ARHGAP31: variants seen among roughly 807,000 people sequenced by gnomAD.
ARHGAP31 encodes the protein Rho GTPase activating protein 31.
A neutral mutation model predicts 113.9 loss-of-function variants in ARHGAP31; 34 were observed. That is an observed-to-expected ratio of 0.30 (90% CI 0.23 to 0.40). The LOEUF (loss-of-function observed/expected upper bound fraction) is 0.40. Ranked by LOEUF, ARHGAP31 falls within the 10% of genes least tolerant of loss-of-function variation. The pLI, the probability that ARHGAP31 is intolerant of heterozygous loss-of-function variation, is 1.00. For synonymous variants in ARHGAP31, 650 were observed against 684.8 expected, an observed-to-expected ratio of 0.95 and a Z score of 0.79; for missense variants, 1,548 against 1,767.1, an observed-to-expected ratio of 0.88 and a Z score of 2.22.
At chr3:119,361,332 A>G (rs974372682) in intron 1 of ARHGAP31, among the ~76,000 whole-genome samples, 4 of 150,128 alleles carry the variant, frequency 2.7e-5, no homozygotes, top group Non-Finnish European at 5.9e-5. Context: ...ACATTAAGGT[A>G]TGTGAGAAGC....
At chr3:119,350,247 T>G (rs1231292963) in intron 1 of ARHGAP31, among the ~76,000 whole-genome samples, 2 of 152,110 alleles carry the variant, frequency 1.3e-5, no homozygotes, top group Non-Finnish European at 2.9e-5. Context: ...GAGGCCTCAG[T>G]ACCAAGGCTT....
rs1160434245 is a variant in ARHGAP31 at position 119,402,329 on chromosome 3, C to G, written c.1577C>G (p.Ser526Cys). The change falls in exon 10 of 12, where the codon TCT becomes TGT. Residue 526 changes from serine (S) to cysteine (C), a missense_variant. Transcript: ENST00000264245. ...TCTCTTTCCAGCCTGGAAGAGTTTT[C>G]TTTTCATGGATCAGAGAGCGGAGGC... ...LQSLSSLEEF[S>C]FHGSESGGWP... The G allele has an allele frequency of 3.7e-6, 6 of 1,614,064 alleles. No homozygotes were observed. The South Asian group carries it at 5.5e-5, about 15-fold the overall frequency.
chr3:119,304,941 A>G (rs1301015835), intron 1 of ARHGAP31, among the ~76,000 whole-genome samples: 1 of 125,056 alleles, frequency 8.0e-6, no homozygotes, highest in Non-Finnish European at 1.7e-5. Context: ...AAATAAAATA[A>G]AACTTTTAAA....
At chr3:119,393,794 T>G (rs2080524927) in intron 8 of ARHGAP31, among the ~76,000 whole-genome samples, 1 of 152,212 alleles carries the variant, frequency 6.6e-6, no homozygotes, top group African/African-American at 2.4e-5. Context: ...CTGTATACCC[T>G]TCATGCAGCT....
At chr3:119,306,724 T>A (rs937665291) in intron 1 of ARHGAP31, among the ~76,000 whole-genome samples, 5 of 152,172 alleles carry the variant, frequency 3.3e-5, no homozygotes, top group Admixed American at 1.3e-4. Flanking sequence ...TTTACTTTTG[T>A]TGGTCTGGGG....
At position 119,413,874 on chromosome 3, in the gene ARHGAP31, A is replaced by AATGCCCTGATCTGGCCT. The variant is rs1212886422; in HGVS notation, c.1946_1962dup (p.Glu655MetfsTer3). ...TTTTCAGGATGAAGATGATCTGGCC[A>AATGCCCTGATCTGGCCT]ATGCCCTGATCTGGCCTGAGATTCA... On this transcript the variant is annotated frameshift_variant, in exon 12 of 12. Coordinates refer to ENST00000264245, the MANE Select transcript of ARHGAP31 (RefSeq NM_020754.4). LOFTEE classifies it low-confidence loss of function (END_TRUNC). 1 of 1,614,222 alleles carries AATGCCCTGATCTGGCCT rather than the reference A, an allele frequency of 6.2e-7. No individual in the cohort carries two copies. The highest frequency in any genetic ancestry group is 1.7e-5 in the Admixed American group (1 of 60,026).
chr3:119,314,153 C>T (rs1232571489), intron 1 of ARHGAP31: 1 of 152,322 alleles, frequency 6.6e-6, no homozygotes, highest in Non-Finnish European at 1.5e-5. Flanking sequence ...GCCGCTCTTG[C>T]CTCCAAGTTT....
chr3:119,382,478 CAA>C, intron 5 of ARHGAP31, 79 bp downstream of exon 5: 1 of 1,363,914 alleles, frequency 7.3e-7, no homozygotes, highest in Non-Finnish European at 1.0e-6. Context: ...TTGGATTCTT[CAA>C]ATTGAAGCCC....
At position 119,296,860 on chromosome 3, in the gene ARHGAP31, G is replaced by A. The variant is rs151329993; in HGVS notation, c.100+1856G>A. ...CAGAGGGGTAAATTGGCCTGCCTGA[G>A]GTTGTACAGCTAATCATGAAGGATC... On this transcript the variant is annotated intron_variant, in intron 1 of 11. Coordinates refer to ENST00000264245, the MANE Select transcript of ARHGAP31 (RefSeq NM_020754.4). Among the ~76,000 whole-genome samples, 516 of 152,328 alleles carry A rather than the reference G, an allele frequency of 3.4e-3. 4 individuals are homozygous for A. Among genetic ancestry groups the A allele is most frequent in the African/African-American group, 0.012 (493 of 41,578 alleles).
intron 1 of ARHGAP31, among the ~76,000 whole-genome samples, chr3:119,355,184 G>A (rs1041579425): frequency 2.0e-5 from 3 of 152,170 alleles, no homozygotes; most frequent in Admixed American, 6.5e-5. Context: ...CCCAACTCTG[G>A]CACTTCCTAG....
Position 119,401,843 on chromosome 3 carries a change from T to G in ARHGAP31, c.1091T>G (p.Phe364Cys). Residue 364 changes from phenylalanine (F) to cysteine (C), a missense_variant, in exon 10 of 12, where the codon TTC (phenylalanine) becomes TGC (cysteine). By Grantham distance (205) the Phe-to-Cys change is radical (BLOSUM62 -2). Transcript: ENST00000264245. ...CTAGGAAAAGAAACCAAGGGAAATT[T>G]CAATCGAACAGTTACCACCGGTGGA... is the stretch of plus-strand genomic sequence containing the variant. Reference protein sequence around the residue: ...PVEGKETKGNFNRTVTTGGFF... With the variant: ...PVEGKETKGNCNRTVTTGGFF... The G allele has an allele frequency of 6.2e-7, 1 of 1,614,102 alleles. No homozygotes were observed. Among genetic ancestry groups the G allele is most frequent in the Non-Finnish European group, 8.5e-7 (1 of 1,180,038 alleles).
Position 119,393,337 on chromosome 3 carries a change from A to G in ARHGAP31, c.882-130A>G. Reference sequence around the variant, plus strand: ...GAGAATCAAGCTTACCTTGGATTTTAGAGGGGAATTTCTTGAAATATCAGA... The same window carrying G: ...GAGAATCAAGCTTACCTTGGATTTTGGAGGGGAATTTCTTGAAATATCAGA... On this transcript the variant is annotated intron_variant, in intron 7 of 11. Transcript: ENST00000264245. The G allele has an allele frequency of 2.4e-6, 3 of 1,251,222 alleles. No homozygotes were observed. In the Admixed American group the frequency reaches 5.2e-5, roughly 22 times the overall value. The allele number at this position is 1,251,222 out of a possible 1,614,324, so 77.5% of individuals were successfully genotyped here. A position where few individuals can be genotyped will look rare whatever the true frequency, so the allele number is the denominator to read the frequency against.
intron 6 of ARHGAP31, among the ~76,000 whole-genome samples, chr3:119,383,832 T>C (rs2080424612): frequency 6.6e-6 from 1 of 152,230 alleles, no homozygotes; most frequent in Non-Finnish European, 1.5e-5. Flanking sequence ...TTAAACTCCC[T>C]TGAACCCAGT....
intron 1 of ARHGAP31, among the ~76,000 whole-genome samples, chr3:119,324,340 G>A (rs979824773): frequency 1.3e-5 from 2 of 152,070 alleles, no homozygotes; most frequent in African/African-American, 2.4e-5. Context: ...ACAATTTTAA[G>A]GTTACACTTG....
chr3:119,368,189 A>C (rs969530396), intron 2 of ARHGAP31, among the ~76,000 whole-genome samples, 183 bp from the exon 3 acceptor site: 4 of 152,188 alleles, frequency 2.6e-5, no homozygotes, highest in African/African-American at 9.6e-5. Flanking sequence ...GAAGATCCAG[A>C]CCTGAAGTGG....
rs2080497837 is a variant in ARHGAP31, at chr3:119,390,887, A to C, written c.785A>C (p.His262Pro). ...EAQARSLATN[H>P]PARKERRENS... ...CAAGCCCGCAGCCTGGCCACTAACC[A>C]TCCTGCTCGCAAGGAAAGGAGGGAG... Residue 262 changes from histidine to proline, a missense_variant, in exon 7 of 12, where the codon CAT becomes CCT. By Grantham distance (77) the His-to-Pro change is moderately conservative. Coordinates refer to ENST00000264245, the MANE Select transcript of ARHGAP31 (RefSeq NM_020754.4). 2 of 1,614,066 alleles carry C rather than the reference A, an allele frequency of 1.2e-6. No individual in the cohort carries two copies. Among genetic ancestry groups the C allele is most frequent in the African/African-American group, 2.7e-5 (2 of 75,016 alleles).
In ARHGAP31 at chr3:119,409,685, TGGA is replaced by T. The variant is rs2080698768; in HGVS notation, c.1841_1843del (p.Glu614del). 1.2e-6 allele frequency: 2 copies of T among 1,610,892 alleles called. No individual in the cohort carries two copies. Among genetic ancestry groups the T allele is most frequent in the African/African-American group, 1.3e-5 (1 of 74,700 alleles). ...AAGAGGCCAAATCCGGAGAAGGTGG[TGGA>T]GGAGGGACGAGAGGCTGGTGAGATG... On this transcript the variant is annotated inframe_deletion, in exon 11 of 12. Coordinates refer to ENST00000264245, the MANE Select transcript of ARHGAP31 (RefSeq NM_020754.4).
At chr3:119,365,187 C>G (rs2080243145) in intron 1 of ARHGAP31, 129 bp from the exon 2 acceptor site, 1 of 721,874 alleles carries the variant, frequency 1.4e-6, no homozygotes, top group African/African-American at 1.8e-5. Context: ...AAATTGTTTC[C>G]ACTTGTAAGT....
At chr3:119,297,944 A>ACACC (rs2079547789) in intron 1 of ARHGAP31, among the ~76,000 whole-genome samples, 1 of 149,266 alleles carries the variant, frequency 6.7e-6, no homozygotes, top group Non-Finnish European at 1.5e-5. Context: ...ACACACACAC[A>ACACC]CCGTGTATGC....
Sources: allele counts gnomAD v4.1 joint callset (sites outside exome capture counted in the v4.1 genomes callset), GRCh38; gene constraint gnomAD v4.1.1; transcripts MANE v1.5; gene names NCBI Gene and HGNC (gene_info 2026-07-23, HGNC 2026-07-21).